The following TTC39A variants were observed in gnomAD, a reference collection of about 807,000 sequenced individuals.
The protein encoded by TTC39A is tetratricopeptide repeat domain 39A, also known as tetratricopeptide repeat protein 39A.
Under a neutral mutation model 82.3 loss-of-function variants are expected in TTC39A, and 46 were observed. The ratio of observed to expected loss-of-function variants is 0.56; its 90% CI spans 0.44 to 0.71. The LOEUF (loss-of-function observed/expected upper bound fraction) is 0.71, where lower values mean the gene tolerates loss of function less well. TTC39A is among the 30% of genes least tolerant of loss of function. The pLI is 0.00. For synonymous variants in TTC39A, 254 were observed against 275.2 expected (o/e 0.92, Z 0.76); for missense variants, 543 against 712.9 (o/e 0.76, Z 2.71).
chr1:51,337,025 G>T (rs1645982581), intron 1 of TTC39A, among the ~76,000 whole-genome samples: 1 of 152,126 alleles, frequency 6.6e-6, no homozygotes, highest in African/African-American at 2.4e-5. Flanking sequence ...GGGCATGGTG[G>T]CACACAACCA....
Position 51,288,017 on chromosome 1 carries a change from A to G in TTC39A, c.*140T>C. ...AAATGCCAGCTCGGCTTCTGCACGGATACACTATGTTGTGCCATCCAACTG... is the reference window on the plus strand; with the variant it reads ...AAATGCCAGCTCGGCTTCTGCACGGGTACACTATGTTGTGCCATCCAACTG... On this transcript the variant is annotated 3_prime_UTR_variant, in exon 18 of 18. Transcript: ENST00000680483. The surrounding 1 kb of genome is among the most constrained non-coding windows in gnomAD (Gnocchi z 4.8). 1 of 1,342,612 alleles carries G rather than the reference A, an allele frequency of 7.4e-7. No homozygotes were observed. The highest frequency in any genetic ancestry group is 1.0e-6 in the Non-Finnish European group (1 of 999,944). 83.2% of individuals were successfully genotyped at this position (1,342,612 alleles called of 1,614,324 possible).
chr1:51,335,394 C>CA (rs1182375527), upstream of TTC39A: 1,787 of 94,262 alleles, frequency 0.019, 33 homozygotes, highest in African/African-American at 0.04. Context: ...ACTAAAAATA[C>CA]AAAAAAAAAA....
At position 51,290,570 on chromosome 1, in the gene TTC39A, G is replaced by A. The variant is rs756251338; in HGVS notation, c.1322C>T (p.Thr441Met). The change falls in exon 15 of 18, where the codon ACG becomes ATG. Residue 441 changes from threonine (T) to methionine (M), a missense_variant. Physicochemically the swap from Thr to Met is moderately conservative, Grantham distance 81. Transcript: ENST00000680483. ...AGTGATAATCTCAAGTATCCCATCC[G>A]TGAGTTTCGGCTGCTTCCCAATCAC... ...YAVIGKQPKL[T>M]DGILEIITKA... The A allele has an allele frequency of 1.4e-5, 22 of 1,613,846 alleles. No homozygotes were observed. The highest frequency in any genetic ancestry group is 6.6e-5 in the South Asian group (6 of 91,040).
chr1:51,309,367 A>G (rs1410197705), intron 5 of TTC39A, 42 bp from the exon 6 acceptor site: 7 of 1,612,442 alleles, frequency 4.3e-6, no homozygotes, highest in Non-Finnish European at 5.9e-6. Context: ...CCAGGTGGGC[A>G]GCTGCAGGCG....
intron 8 of TTC39A, among the ~76,000 whole-genome samples, chr1:51,304,675 T>G (rs562356511): frequency 6.6e-6 from 1 of 152,324 alleles, no homozygotes; most frequent in South Asian, 2.1e-4. Flanking sequence ...AGGGCTTCCC[T>G]CAGGCATCTG....
chr1:51,324,863 A>G (rs1391966422), intron 1 of TTC39A, among the ~76,000 whole-genome samples: 1 of 151,904 alleles, frequency 6.6e-6, no homozygotes, highest in Non-Finnish European at 1.5e-5. Flanking sequence ...GTTTGTTGTA[A>G]CTCATCCCCA....
intron 7 of TTC39A, 44 bp downstream of exon 7, chr1:51,305,933 T>C (rs371384834): frequency 1.3e-6 from 2 of 1,588,656 alleles, no homozygotes; most frequent in Non-Finnish European, 1.7e-6. Flanking sequence ...AAGGGGAGAC[T>C]GAGCTCAAGC....
Position 51,302,527 on chromosome 1 carries a change from G to C in TTC39A, c.810C>G (p.Pro270=), listed in dbSNP as rs1246789086. The C allele has an allele frequency of 6.2e-7, 1 of 1,609,486 alleles. No homozygotes were observed. Among genetic ancestry groups the C allele is most frequent in the East Asian group, 2.2e-5 (1 of 44,768 alleles). ...NIEEAEKLLK[P]YLNRYPKGAI... ...TCACCTTAGGGTACCGGTTCAGGTAGGGCTTCAAGAGCTTCTCGGCCTCCT... is the reference window on the plus strand; with the variant it reads ...TCACCTTAGGGTACCGGTTCAGGTACGGCTTCAAGAGCTTCTCGGCCTCCT... The change falls in exon 10 of 18, where the codon CCC becomes CCG. Residue 270 remains proline, a synonymous_variant. Coordinates refer to ENST00000680483, the MANE Select transcript of TTC39A (RefSeq NM_001297663.2).
rs1644349677 is a variant in TTC39A, at chr1:51,294,708, C to G, written c.1146-197G>C. On this transcript the variant is annotated intron_variant, in intron 13 of 17. Transcript: ENST00000680483. The surrounding 1 kb of genome is among the most constrained non-coding windows in gnomAD (Gnocchi z 4.3). Reference sequence around the variant, plus strand: ...TAATTTTAGAGACCCTGCCCCAAGACCTGGCCACTTCCTATGGCTGGGCAA... The same window carrying G: ...TAATTTTAGAGACCCTGCCCCAAGAGCTGGCCACTTCCTATGGCTGGGCAA... Among the ~76,000 whole-genome samples, 1 of 152,228 alleles carries G rather than the reference C, an allele frequency of 6.6e-6. No individual in the cohort carries two copies. The highest frequency in any genetic ancestry group is 2.1e-4 in the South Asian group (1 of 4,838).
At chr1:51,342,098 T>A (rs753264061) in intron 1 of TTC39A, among the ~76,000 whole-genome samples, 10 of 152,238 alleles carry the variant, frequency 6.6e-5, no homozygotes, top group Non-Finnish European at 1.5e-4. Context: ...TTTTTGGTGC[T>A]GTCTCCTACC....
At chr1:51,302,975 G>T in intron 9 of TTC39A, 109 bp downstream of exon 9, 1 of 994,820 alleles carries the variant, frequency 1.0e-6, no homozygotes, top group Non-Finnish European at 1.5e-6. Context: ...TCTGGTTTCA[G>T]TACCCCTATC....
chr1:51,311,564 G>A (rs911300184), intron 4 of TTC39A, among the ~76,000 whole-genome samples: 23 of 152,170 alleles, frequency 1.5e-4, no homozygotes, highest in Non-Finnish European at 1.5e-4. Flanking sequence ...ACTGTGGGGC[G>A]TTAGAACCTT....
At chr1:51,339,004 A>G (rs962766592) in intron 1 of TTC39A, among the ~76,000 whole-genome samples, 2 of 152,162 alleles carry the variant, frequency 1.3e-5, no homozygotes, top group African/African-American at 4.8e-5. Context: ...ATACTCATTT[A>G]CTTGGCAGTT....
chr1:51,309,160 G>C (rs898834749), intron 6 of TTC39A, 101 bp downstream of exon 6: 8 of 1,441,220 alleles, frequency 5.6e-6, no homozygotes, highest in Non-Finnish European at 7.5e-6. Flanking sequence ...TTCTGGCCTC[G>C]GTTAGTACTC....
intron 1 of TTC39A, among the ~76,000 whole-genome samples, chr1:51,340,229 A>G (rs1231763149): frequency 6.6e-6 from 1 of 152,178 alleles, no homozygotes; most frequent in Non-Finnish European, 1.5e-5. Context: ...TGATCTAGCA[A>G]AGTGCCTCAG....
chr1:51,305,019 G>C, intron 8 of TTC39A, 62 bp downstream of exon 8: 1 of 1,582,156 alleles, frequency 6.3e-7, no homozygotes, highest in South Asian at 1.1e-5. Flanking sequence ...GCCCCACCCT[G>C]TGCAGCCCAG....
At position 51,302,046 on chromosome 1, in the gene TTC39A, C is replaced by G. The variant is rs1415597991; in HGVS notation, c.891+311G>C. 3 of 710,380 alleles carry G rather than the reference C, an allele frequency of 4.2e-6. No homozygotes were observed. The African/African-American group carries it at 5.2e-5, about 12-fold the overall frequency. The allele number at this position is 710,380 out of a possible 1,614,324, so 44.0% of individuals were successfully genotyped here. A position where few individuals can be genotyped will look rare whatever the true frequency, so the allele number is the denominator to read the frequency against. On this transcript the variant is annotated intron_variant, in intron 11 of 17. Transcript: ENST00000680483. The stretch of plus-strand genomic sequence containing the variant: ...CCAGACTCCAGCCTAATCGTCATGC[C>G]CTAAACAGATGGGCTTTCCTAACCT...
chr1:51,293,585 T>C (rs976182761), intron 14 of TTC39A, among the ~76,000 whole-genome samples: 11 of 152,190 alleles, frequency 7.2e-5, no homozygotes, highest in African/African-American at 2.7e-4. Flanking sequence ...AGCTACTCAG[T>C]TAATGAACAG....
intron 5 of TTC39A, among the ~76,000 whole-genome samples, chr1:51,309,584 G>C (rs1226591688): frequency 1.3e-5 from 2 of 152,212 alleles, no homozygotes; most frequent in Admixed American, 1.3e-4. Context: ...GTGATTAACA[G>C]TATCTCCCTC....
Sources: allele counts gnomAD v4.1 joint callset (sites outside exome capture counted in the v4.1 genomes callset), GRCh38; gene constraint gnomAD v4.1.1; non-coding constraint Gnocchi (gnomAD v3.1); transcripts MANE v1.5; gene names NCBI Gene and HGNC (gene_info 2026-07-23, HGNC 2026-07-21).